The following RBFOX1 variants were observed in gnomAD, a reference collection of about 807,000 sequenced individuals.
RBFOX1 encodes the protein RNA binding fox-1 homolog 1, also known as RNA binding protein fox-1 homolog 1.
In RBFOX1, 8 loss-of-function variants were observed where a neutral mutation model predicts 57.7. The observed-to-expected ratio is 0.14, with a 90% CI of 0.08 to 0.25. The LOEUF is 0.25. RBFOX1 is among the 10% of genes least tolerant of loss of function. The pLI, the probability that RBFOX1 is intolerant of heterozygous loss-of-function variation, is 1.00. For missense variants in RBFOX1, 611 were observed against 548.5 expected, an observed-to-expected ratio of 1.11 and a Z score of -1.14; for synonymous variants, 326 against 222.4, an observed-to-expected ratio of 1.47 and a Z score of -4.15.
chr16:5,900,421 T>TC (rs1185807707), intron 4 of RBFOX1, among the ~76,000 whole-genome samples: 25 of 152,160 alleles, frequency 1.6e-4, no homozygotes, highest in Middle Eastern at 6.8e-3. Context: ...AAGAGAAAAT[T>TC]CCCCAAACAA....
intron 5 of RBFOX1, among the ~76,000 whole-genome samples, chr16:7,577,088 C>T (rs1032097413): frequency 6.6e-6 from 1 of 152,212 alleles, no homozygotes; most frequent in African/African-American, 2.4e-5. Flanking sequence ...TCGACTATCA[C>T]ATGAAGGCGG....
chr16:7,613,562 G>A (rs1385091293), intron 10 of RBFOX1, among the ~76,000 whole-genome samples: 1 of 152,012 alleles, frequency 6.6e-6, no homozygotes, highest in African/African-American at 2.4e-5. Context: ...TGAAGAGGGT[G>A]GTTATAACAC....
At chr16:6,986,549 C>T (rs1450552834) in intron 3 of RBFOX1, among the ~76,000 whole-genome samples, 1 of 152,166 alleles carries the variant, frequency 6.6e-6, no homozygotes, top group Non-Finnish European at 1.5e-5. Context: ...GCCTTGGCTT[C>T]CCAAAGTGCT....
At chr16:7,571,978 T>G (rs1464103512) in intron 5 of RBFOX1, among the ~76,000 whole-genome samples, 1 of 152,068 alleles carries the variant, frequency 6.6e-6, no homozygotes, top group Non-Finnish European at 1.5e-5. Context: ...AATCTAAAAA[T>G]TAGCTGGGCT....
chr16:6,040,298 G>A (rs889838618), intron 1 of RBFOX1, among the ~76,000 whole-genome samples: 13 of 152,218 alleles, frequency 8.5e-5, no homozygotes, highest in East Asian at 1.9e-4. Flanking sequence ...ACTATCACCC[G>A]TCTCCAGAAC....
At chr16:7,313,990 A>G (rs1471800647) in intron 4 of RBFOX1, among the ~76,000 whole-genome samples, 1 of 152,180 alleles carries the variant, frequency 6.6e-6, no homozygotes, top group African/African-American at 2.4e-5. Context: ...GGACTTGCCA[A>G]AAGAGGAAAG....
intron 3 of RBFOX1, among the ~76,000 whole-genome samples, chr16:6,838,350 C>G (rs960311440): frequency 4.6e-5 from 7 of 152,108 alleles, no homozygotes; most frequent in African/African-American, 1.7e-4. Flanking sequence ...CCTGCAAAGA[C>G]CATTAACTCA....
chr16:7,333,099 G>A, intron 4 of RBFOX1: 3 of 1,610,580 alleles, frequency 1.9e-6, no homozygotes, highest in Middle Eastern at 1.7e-4. Context: ...GTAATTCAAG[G>A]CCTCTGCCAG....
In RBFOX1 at chr16:6,020,000, C is replaced by T; in HGVS notation, c.-127+8C>T. 1 of 1,515,900 alleles carries T rather than the reference C, an allele frequency of 6.6e-7. No individual in the cohort carries two copies. The highest frequency in any genetic ancestry group is 1.2e-5 in the South Asian group (1 of 82,184). The allele number at this position is 1,515,900 out of a possible 1,614,324, so 93.9% of individuals were successfully genotyped here. ...GCTCGCCGGGAGTTCTAGGTAAGTC[C>T]AGGCGGAGTCATTGCCTCTGCACCC... On this transcript the variant is annotated splice_region_variant and intron_variant, in intron 1 of 15. Coordinates refer to ENST00000550418, the MANE Select transcript of RBFOX1 (RefSeq NM_018723.4). This position sits in a 1 kb window ranked among gnomAD's most constrained non-coding sequence, Gnocchi z 4.2.
rs1440961437 is a variant in RBFOX1 at position 5,424,077 on chromosome 16, T to G, written c.220-43139T>G. Among the ~76,000 whole-genome samples the G allele has an allele frequency of 2.6e-5, 4 of 152,174 alleles. No individual in the cohort carries two copies. The East Asian group carries it at 5.8e-4, about 22-fold the overall frequency. On this transcript the variant is annotated intron_variant, in intron 1 of 2. Coordinates refer to the RBFOX1 transcript ENST00000585867. ...TGTTTCCTGGCCACCTTCAGATTTA[T>G]GTATTTGTTTATCCCCACTATGTGC...
At chr16:5,454,927 C>A (rs1251950506) in intron 1 of RBFOX1, among the ~76,000 whole-genome samples, 1 of 37,006 alleles carries the variant, frequency 2.7e-5, no homozygotes, top group Non-Finnish European at 5.3e-5. Flanking sequence ...TTGTTTCTTT[C>A]TTCCTTCCTT....
At chr16:5,650,672 A>T (rs1350261475) in intron 3 of RBFOX1, among the ~76,000 whole-genome samples, 2 of 152,114 alleles carry the variant, frequency 1.3e-5, no homozygotes, top group African/African-American at 4.8e-5. Flanking sequence ...CTCTTCATTT[A>T]ACAGGGGTTA....
At position 5,667,826 on chromosome 16, in the gene RBFOX1, G is replaced by C. The variant is rs74393749; in HGVS notation, c.318+68865G>C. On this transcript the variant is annotated intron_variant, in intron 3 of 19. Coordinates refer to the RBFOX1 transcript ENST00000641259. ...TATCATCTCCCCAGGTTCACCAAGA[G>C]GATATTTCTGGTAATGAGACTTTAT... 4.6e-5 allele frequency among the ~76,000 whole-genome samples: 7 copies of C among 152,282 alleles called. No homozygotes were observed. In the East Asian group the frequency reaches 1.2e-3, roughly 25 times the overall value.
intron 3 of RBFOX1, among the ~76,000 whole-genome samples, chr16:6,710,209 T>C (rs2063481690): frequency 6.6e-6 from 1 of 152,142 alleles, no homozygotes; most frequent in South Asian, 2.1e-4. Flanking sequence ...AACTGAAATG[T>C]TTGTCACTTA....
At chr16:5,441,382 T>G (rs1018615017) in intron 1 of RBFOX1, among the ~76,000 whole-genome samples, 28 of 118,052 alleles carry the variant, frequency 2.4e-4, no homozygotes, top group African/African-American at 8.8e-4. Context: ...TTTTTTTTTT[T>G]GAGACAGAGT....
chr16:7,567,488 TATATGTATATCCCTATG>T (rs2092107340), intron 5 of RBFOX1, among the ~76,000 whole-genome samples: 1 of 22,932 alleles, frequency 4.4e-5, no homozygotes, highest in Non-Finnish European at 1.1e-4. Flanking sequence ...TGTATGGCCC[TATATGTATATCCCTATG>T]TATGGCCCTA....
At chr16:5,420,415 C>T (rs983455897) in intron 1 of RBFOX1, among the ~76,000 whole-genome samples, 3 of 151,858 alleles carry the variant, frequency 2.0e-5, no homozygotes, top group African/African-American at 7.3e-5. Context: ...CACACACTCT[C>T]AGGTTCACAC....
At chr16:7,509,207 G>T (rs895271186) in intron 4 of RBFOX1, among the ~76,000 whole-genome samples, 1 of 152,134 alleles carries the variant, frequency 6.6e-6, no homozygotes, top group Non-Finnish European at 1.5e-5. Flanking sequence ...ACTTTTTCTT[G>T]ATAGCATTTG....
intron 3 of RBFOX1, among the ~76,000 whole-genome samples, chr16:6,802,397 C>A (rs919542728): frequency 1.3e-5 from 2 of 152,112 alleles, no homozygotes; most frequent in African/African-American, 4.8e-5. Flanking sequence ...CATGTTATGG[C>A]CTGGCGCAGT....
Sources: allele counts gnomAD v4.1 joint callset (sites outside exome capture counted in the v4.1 genomes callset), GRCh38; gene constraint gnomAD v4.1.1; non-coding constraint Gnocchi (gnomAD v3.1); transcripts MANE v1.5; gene names NCBI Gene and HGNC (gene_info 2026-07-23, HGNC 2026-07-21).